Variants in CDH13 observed in about 807,000 individuals in gnomAD.
CDH13 encodes the protein cadherin 13, also known as cadherin-13.
In CDH13, 24 loss-of-function variants were observed where a neutral mutation model predicts 63.8. The ratio of observed to expected loss-of-function variants is 0.38; its 90% CI spans 0.27 to 0.53. CDH13 has a LOEUF of 0.53. Ranked by LOEUF, CDH13 falls within the 20% of genes least tolerant of loss-of-function variation. CDH13 has a pLI of 0.85. For missense variants in CDH13, 1,049 were observed against 903.1 expected, an observed-to-expected ratio of 1.16 and a Z score of -2.07; for synonymous variants, 503 against 355.3, an observed-to-expected ratio of 1.42 and a Z score of -4.67.
At chr16:83,635,634 G>A (rs1023157529) in intron 8 of CDH13, among the ~76,000 whole-genome samples, 16 of 152,126 alleles carry the variant, frequency 1.1e-4, no homozygotes, top group African/African-American at 2.4e-4. Context: ...GAGCCACCAC[G>A]CCCGGCCCCA....
chr16:83,555,400 A>C (rs2075582086), intron 7 of CDH13, among the ~76,000 whole-genome samples: 1 of 152,202 alleles, frequency 6.6e-6, no homozygotes, highest in Non-Finnish European at 1.5e-5. Context: ...AGTTTAACTG[A>C]TTCCCCAGGT....
At chr16:83,603,212 G>A (rs1045322183) in intron 8 of CDH13, among the ~76,000 whole-genome samples, 5 of 152,218 alleles carry the variant, frequency 3.3e-5, no homozygotes, top group African/African-American at 1.2e-4. Context: ...AAACCAGGAA[G>A]CCATTTGCAC....
intron 11 of CDH13, among the ~76,000 whole-genome samples, chr16:83,759,758 C>A (rs750357388): frequency 6.6e-6 from 1 of 151,776 alleles, no homozygotes; most frequent in Non-Finnish European, 1.5e-5. Flanking sequence ...AAGACCTTAT[C>A]TTTACAAAAA....
chr16:83,112,630 C>G (rs1416158833), intron 3 of CDH13, among the ~76,000 whole-genome samples: 5 of 152,006 alleles, frequency 3.3e-5, no homozygotes. Context: ...TAGTAAATAC[C>G]TGAGTGTATT....
intron 10 of CDH13, among the ~76,000 whole-genome samples, chr16:83,729,509 C>T (rs1910803593): frequency 6.6e-6 from 1 of 152,202 alleles, no homozygotes; most frequent in African/African-American, 2.4e-5. Context: ...ACCACTACTC[C>T]TAAGACCCAG....
intron 5 of CDH13, among the ~76,000 whole-genome samples, chr16:83,313,766 G>T (rs1193190399): frequency 6.6e-6 from 1 of 151,342 alleles, no homozygotes; most frequent in Non-Finnish European, 1.5e-5. Context: ...TTTAGTTAAT[G>T]TTGTTAAACA....
intron 7 of CDH13, among the ~76,000 whole-genome samples, chr16:83,581,517 C>G (rs1181681565): frequency 6.6e-6 from 1 of 152,128 alleles, no homozygotes; most frequent in African/African-American, 2.4e-5. Flanking sequence ...CTCAGGCCAC[C>G]CTATTTAAAA....
At chr16:83,383,630 G>C (rs556928595) in intron 6 of CDH13, among the ~76,000 whole-genome samples, 2 of 152,120 alleles carry the variant, frequency 1.3e-5, no homozygotes, top group East Asian at 1.9e-4. Context: ...TAATTCTTTG[G>C]GTTGTTTTCT....
chr16:83,407,178 A>G (rs1451535205), intron 6 of CDH13, among the ~76,000 whole-genome samples: 3 of 152,306 alleles, frequency 2.0e-5, no homozygotes, highest in East Asian at 3.9e-4. Flanking sequence ...CCATTTTCCT[A>G]TGTCAGATGC....
chr16:82,853,453 G>A (rs1007719046), intron 1 of CDH13, among the ~76,000 whole-genome samples: 9 of 152,162 alleles, frequency 5.9e-5, no homozygotes, highest in Admixed American at 2.6e-4. Context: ...CTATGTACCA[G>A]GAACTACTTA....
At chr16:83,099,459 G>C (rs1233767272) in intron 3 of CDH13, among the ~76,000 whole-genome samples, 1 of 151,526 alleles carries the variant, frequency 6.6e-6, no homozygotes, top group Admixed American at 6.6e-5. Context: ...GAGTAGCTGG[G>C]ATTACAGGCA....
chr16:82,988,593 C>G (rs1044332128), intron 2 of CDH13, among the ~76,000 whole-genome samples: 5 of 151,954 alleles, frequency 3.3e-5, no homozygotes, highest in Admixed American at 2.6e-4. Flanking sequence ...GAAACCCCGT[C>G]TCTACAAAAA....
At chr16:83,490,009 C>CACA (rs1555559647) in intron 7 of CDH13, among the ~76,000 whole-genome samples, 7 of 137,304 alleles carry the variant, frequency 5.1e-5, no homozygotes, top group African/African-American at 1.9e-4. Flanking sequence ...GCTGCAGAAA[C>CACA]CACACACACA....
intron 5 of CDH13, among the ~76,000 whole-genome samples, chr16:83,256,470 T>C (rs748560379): frequency 2.0e-5 from 3 of 152,032 alleles, no homozygotes; most frequent in Non-Finnish European, 4.4e-5. Context: ...AGAGATAGAC[T>C]TTCAAAATAT....
intron 6 of CDH13, among the ~76,000 whole-genome samples, chr16:83,478,723 T>C (rs781439784): frequency 6.6e-6 from 1 of 151,882 alleles, no homozygotes; most frequent in African/African-American, 2.4e-5. Flanking sequence ...CACTCTGCAG[T>C]TCCATCCTCC....
At chr16:83,333,406 TC>T (rs2090518878) in intron 5 of CDH13, among the ~76,000 whole-genome samples, 1 of 152,006 alleles carries the variant, frequency 6.6e-6, no homozygotes. Flanking sequence ...GCGGGGGTGG[TC>T]CTATGGGGAT....
chr16:83,384,502 A>T (rs138561200), intron 6 of CDH13, among the ~76,000 whole-genome samples: 71 of 152,364 alleles, frequency 4.7e-4, no homozygotes, highest in Middle Eastern at 3.4e-3. Context: ...TTCTGCAGGA[A>T]TCAACACCTT....
chr16:83,465,301 T>G, intron 6 of CDH13, among the ~76,000 whole-genome samples: 1 of 152,294 alleles, frequency 6.6e-6, no homozygotes, highest in East Asian at 1.9e-4. Flanking sequence ...AGAAGCAACA[T>G]AACTGAGTGA....
Position 83,648,373 on chromosome 16 carries a change from G to C in CDH13, c.1102-22417G>C, listed in dbSNP as rs568948971. On this transcript the variant is annotated intron_variant, in intron 8 of 13. Coordinates refer to ENST00000567109, the MANE Select transcript of CDH13 (RefSeq NM_001257.5). ...ATTCAACGCAAGTTTGTGTGATGCAGTGATTTTAGAAACTGTAGCAAGAAG... is the reference window on the plus strand; with the variant it reads ...ATTCAACGCAAGTTTGTGTGATGCACTGATTTTAGAAACTGTAGCAAGAAG... Among the ~76,000 whole-genome samples, 124 of 152,314 alleles carry C rather than the reference G, an allele frequency of 8.1e-4. 1 individual carries two copies. Among genetic ancestry groups the C allele is most frequent in the African/African-American group, 2.8e-3 (115 of 41,578 alleles).
Sources: gnomAD v4.1 joint callset for allele counts (sites outside exome capture counted in the v4.1 genomes callset) on GRCh38, gnomAD v4.1.1 for gene constraint, MANE v1.5 for transcripts, NCBI Gene and HGNC (gene_info 2026-07-23, HGNC 2026-07-21) for gene names.